AP5M1: variants seen among roughly 807,000 people sequenced by gnomAD.
AP5M1 encodes adaptor related protein complex 5 subunit mu 1.
A neutral mutation model predicts 52.3 loss-of-function variants in AP5M1; 44 were observed. The observed-to-expected ratio is 0.84, with a 90% CI of 0.66 to 1.08. AP5M1 has a LOEUF of 1.08. AP5M1 is among the 50% of genes least tolerant of loss of function. AP5M1 has a pLI of 0.00. For synonymous variants in AP5M1, 213 were observed against 199.0 expected (o/e 1.07, Z -0.59); for missense variants, 526 against 568.4 (o/e 0.93, Z 0.76).
At chr14:57,280,148 C>T in intron 2 of AP5M1, 47 bp from the exon 3 acceptor site, 1 of 1,391,794 alleles carries the variant, frequency 7.2e-7, no homozygotes, top group South Asian at 1.2e-5. Context: ...CTCAAACAGA[C>T]ATTTGCTTCT....
At chr14:57,281,232 A>G (rs903913734) in intron 3 of AP5M1, among the ~76,000 whole-genome samples, 1 of 152,172 alleles carries the variant, frequency 6.6e-6, no homozygotes, top group Non-Finnish European at 1.5e-5. Context: ...AAAGAAGTGA[A>G]ATGACTTGCA....
At chr14:57,273,851 G>C in intron 1 of AP5M1, 1 of 650,720 alleles carries the variant, frequency 1.5e-6, no homozygotes, top group East Asian at 2.7e-5. Context: ...CCCTACTCTA[G>C]CTACTAAGAT....
chr14:57,297,133 C>T lies in AP5M1; in HGVS notation c.*8249C>T, dbSNP rs1885569536. 1 of 151,642 alleles carries T rather than the reference C, an allele frequency of 6.6e-6. No homozygotes were observed. 9.4% of individuals were successfully genotyped at this position (151,642 alleles called of 1,614,324 possible). ...CATGAGAGAGAATTTTTTTTGCCTC[C>T]AGATGTTTGGGGTTTGGATATGTAG... On this transcript the variant is annotated 3_prime_UTR_variant, in exon 8 of 8. Coordinates refer to ENST00000261558, the MANE Select transcript of AP5M1 (RefSeq NM_018229.4).
chr14:57,269,179 T>C lies in AP5M1; in HGVS notation c.-136T>C, dbSNP rs1183132410. 3 of 793,752 alleles carry C rather than the reference T, an allele frequency of 3.8e-6. No homozygotes were observed. The highest frequency in any genetic ancestry group is 3.4e-5 in the African/African-American group (2 of 58,054). 49.2% of individuals were successfully genotyped at this position (793,752 alleles called of 1,614,324 possible). On this transcript the variant is annotated 5_prime_UTR_variant, in exon 1 of 8. Coordinates refer to ENST00000261558, the MANE Select transcript of AP5M1 (RefSeq NM_018229.4). ...CTTCACCTAAAAAAGCTAACCTCTC[T>C]GCTGAGCGCGACCGGTATGCGGCGC...
At position 57,290,397 on chromosome 14, in the gene AP5M1, C is replaced by T. The variant is rs1594710637; in HGVS notation, c.*1513C>T. 1 of 152,070 alleles carries T rather than the reference C, an allele frequency of 6.6e-6. No homozygotes were observed. The highest frequency in any genetic ancestry group is 1.9e-4 in the East Asian group (1 of 5,174). The allele number at this position is 152,070 out of a possible 1,614,324, so 9.4% of individuals were successfully genotyped here. On this transcript the variant is annotated 3_prime_UTR_variant, in exon 8 of 8. Coordinates refer to ENST00000261558, the MANE Select transcript of AP5M1 (RefSeq NM_018229.4). Reference sequence around the variant, plus strand: ...CTTTCCTTTTGAAAGAAGAAAATATCATTCCCTATAAGTTATTTGATCTCT... The same window carrying T: ...CTTTCCTTTTGAAAGAAGAAAATATTATTCCCTATAAGTTATTTGATCTCT...
At chr14:57,286,593 T>C (rs1362749959) in intron 7 of AP5M1, 4 of 275,744 alleles carry the variant, frequency 1.5e-5, no homozygotes, top group Non-Finnish European at 2.7e-5. Context: ...TATTCAGAGA[T>C]GTGATTCACA....
intron 1 of AP5M1, among the ~76,000 whole-genome samples, chr14:57,272,862 A>G (rs1407328566): frequency 6.6e-6 from 1 of 152,096 alleles, no homozygotes; most frequent in Admixed American, 6.5e-5. Flanking sequence ...TTACCTACAC[A>G]TGGGTAACTG....
At chr14:57,272,204 C>A (rs1407597473) in intron 1 of AP5M1, among the ~76,000 whole-genome samples, 1 of 152,114 alleles carries the variant, frequency 6.6e-6, no homozygotes, top group East Asian at 1.9e-4. Flanking sequence ...AAGTTGTGTT[C>A]AAATAATTTA....
chr14:57,283,152 A>T lies in AP5M1; in HGVS notation c.1215A>T (p.Gly405=). The T allele has an allele frequency of 6.2e-7, 1 of 1,613,846 alleles. No individual in the cohort carries two copies. The highest frequency in any genetic ancestry group is 8.5e-7 in the Non-Finnish European group (1 of 1,179,916). ...FPKSMEISLS[G]TVTFGAKSHE... ...AATCAATGGAAATTAGTCTTTCTGG[A>T]ACTGTAACTTTTGGAGCCAAGAGCC... is the stretch of plus-strand genomic sequence containing the variant. The change falls in exon 6 of 8, where the codon GGA becomes GGT. Residue 405 remains glycine, a synonymous_variant. Transcript: ENST00000261558.
Position 57,292,625 on chromosome 14 carries a change from A to G in AP5M1, c.*3741A>G, listed in dbSNP as rs1885462133. On this transcript the variant is annotated 3_prime_UTR_variant, in exon 8 of 8. Transcript: ENST00000261558. ...AAGAAGAAACAAAGACTACATTCTA[A>G]GTATTGCTTCTAGTTTTGTTTCATG... is the stretch of plus-strand genomic sequence containing the variant. The G allele has an allele frequency of 6.6e-6, 1 of 151,886 alleles. No individual in the cohort carries two copies. The highest frequency in any genetic ancestry group is 6.6e-5 in the Admixed American group (1 of 15,210). The allele number at this position is 151,886 out of a possible 1,614,324, so 9.4% of individuals were successfully genotyped here.
intron 6 of AP5M1, among the ~76,000 whole-genome samples, chr14:57,284,676 G>A (rs917847933): frequency 6.6e-6 from 1 of 152,044 alleles, no homozygotes; most frequent in African/African-American, 2.4e-5. Context: ...GTTCCAAGAT[G>A]ATATTGTTTA....
rs1272065462 is a variant in AP5M1 at position 57,294,597 on chromosome 14, T to C, written c.*5713T>C. ...CCAGTGGTTGAAGTTGGAGTTTCTT[T>C]TCTCCACTGGTTTTATAGGTGTGTT... On this transcript the variant is annotated 3_prime_UTR_variant, in exon 8 of 8. Transcript: ENST00000261558. 2.0e-5 allele frequency: 3 copies of C among 152,054 alleles called. No individual in the cohort carries two copies. The highest frequency in any genetic ancestry group is 4.1e-4 in the South Asian group (2 of 4,824). The allele number at this position is 152,054 out of a possible 1,614,324, so 9.4% of individuals were successfully genotyped here. A position where few individuals can be genotyped will look rare whatever the true frequency, so the allele number is the denominator to read the frequency against.
intron 7 of AP5M1, among the ~76,000 whole-genome samples, chr14:57,287,582 A>G (rs1477036763): frequency 1.3e-5 from 2 of 152,160 alleles, no homozygotes; most frequent in Non-Finnish European, 2.9e-5. Context: ...AACATAATAC[A>G]AGATAGGAAC....
Position 57,286,282 on chromosome 14 carries a change from T to A in AP5M1, c.1353T>A (p.Val451=). The A allele has an allele frequency of 6.2e-7, 1 of 1,613,204 alleles. No individual in the cohort carries two copies. Among genetic ancestry groups the A allele is most frequent in the Admixed American group, 1.7e-5 (1 of 59,978 alleles). ...LTGCYADQHS[V]QVFASGKPKI... is the part of the protein sequence containing the mutation. ...GATGTTATGCAGATCAGCATTCAGT[T>A]CAAGTTTTTGCATCAGGAAAACCAA... Residue 451 remains valine, a synonymous_variant, in exon 7 of 8, where the codon GTT becomes GTA. Transcript: ENST00000261558.
At chr14:57,282,693 C>A (rs970756734) in intron 4 of AP5M1, among the ~76,000 whole-genome samples, 1 of 152,092 alleles carries the variant, frequency 6.6e-6, no homozygotes, top group African/African-American at 2.4e-5. Context: ...TAATACATTT[C>A]GTATGATTTC....
chr14:57,294,820 T>A lies in AP5M1; in HGVS notation c.*5936T>A, dbSNP rs1011036170. The A allele has an allele frequency of 6.6e-6, 1 of 151,970 alleles. No homozygotes were observed. Among genetic ancestry groups the A allele is most frequent in the African/African-American group, 2.4e-5 (1 of 41,422 alleles). The allele number at this position is 151,970 out of a possible 1,614,324, so 9.4% of individuals were successfully genotyped here. A position where few individuals can be genotyped will look rare whatever the true frequency, so the allele number is the denominator to read the frequency against. ...ATTACACATTTGGAGTAAGCCTTGC[T>A]TTTTCAACATGCATCATGTAAAATT... On this transcript the variant is annotated 3_prime_UTR_variant, in exon 8 of 8. Coordinates refer to ENST00000261558, the MANE Select transcript of AP5M1 (RefSeq NM_018229.4).
chr14:57,275,904 T>G (rs1327179547), intron 2 of AP5M1, among the ~76,000 whole-genome samples: 1 of 152,134 alleles, frequency 6.6e-6, no homozygotes, highest in Non-Finnish European at 1.5e-5. Context: ...ATTAATAGTA[T>G]TCTCATTTCT....
intron 1 of AP5M1, chr14:57,273,823 A>G (rs1027282324): frequency 5.9e-6 from 4 of 680,888 alleles, no homozygotes; most frequent in Non-Finnish European, 1.1e-5. Context: ...GGAGGGTTAA[A>G]TTGAACCACT....
chr14:57,275,768 G>C (rs1885019611), intron 2 of AP5M1, among the ~76,000 whole-genome samples: 1 of 152,040 alleles, frequency 6.6e-6, no homozygotes, highest in Non-Finnish European at 1.5e-5. Flanking sequence ...GGTTAATATT[G>C]GGTTCTCTGT....
Sources: gnomAD v4.1 joint callset for allele counts (sites outside exome capture counted in the v4.1 genomes callset) on GRCh38, gnomAD v4.1.1 for gene constraint, MANE v1.5 for transcripts, NCBI Gene and HGNC (gene_info 2026-07-23, HGNC 2026-07-21) for gene names.